The following LRP1B variants were observed in gnomAD, a reference collection of about 807,000 sequenced individuals.
The protein encoded by LRP1B is LDL receptor related protein 1B, also known as low-density lipoprotein receptor-related protein 1B.
Under a neutral mutation model 556.6 loss-of-function variants are expected in LRP1B, and 217 were observed. That is an observed-to-expected ratio of 0.39 (90% CI 0.35 to 0.44). The LOEUF is 0.44. Among genes scored for constraint, LRP1B ranks in the 20% least tolerant of loss-of-function variants. LRP1B has a pLI of 1.00. For synonymous variants in LRP1B, 2,047 were observed against 1,865.8 expected (o/e 1.10, Z -2.50); for missense variants, 5,053 against 5,620.8 (o/e 0.90, Z 3.23).
intron 22 of LRP1B, among the ~76,000 whole-genome samples, chr2:140,907,345 T>C (rs779686714): frequency 6.6e-6 from 1 of 152,102 alleles, no homozygotes; most frequent in African/African-American, 2.4e-5. Context: ...TCATTTTAAC[T>C]AGATAAGGCA....
At chr2:140,352,409 C>T (rs1168945381) in intron 76 of LRP1B, among the ~76,000 whole-genome samples, 1 of 152,034 alleles carries the variant, frequency 6.6e-6, no homozygotes, top group South Asian at 2.1e-4. Context: ...CTCCTGATCT[C>T]GTGATCCACT....
intron 31 of LRP1B, among the ~76,000 whole-genome samples, chr2:140,838,852 T>A (rs1428682406): frequency 6.6e-6 from 1 of 152,160 alleles, no homozygotes; most frequent in African/African-American, 2.4e-5. Context: ...TGATTAAGGT[T>A]CGAAACAGTA....
chr2:141,371,872 C>G (rs1202421014), intron 3 of LRP1B, among the ~76,000 whole-genome samples: 2 of 151,654 alleles, frequency 1.3e-5, no homozygotes, highest in African/African-American at 4.8e-5. Context: ...TTTCTCTTGC[C>G]CAATTGCCCT....
intron 3 of LRP1B, among the ~76,000 whole-genome samples, chr2:141,348,856 C>T (rs543697207): frequency 1.3e-5 from 2 of 152,046 alleles, no homozygotes; most frequent in African/African-American, 4.8e-5. Flanking sequence ...CTTTCCCATG[C>T]TCTTCTCATG....
chr2:141,888,325 A>C (rs976673159), intron 1 of LRP1B, among the ~76,000 whole-genome samples: 5 of 152,196 alleles, frequency 3.3e-5, no homozygotes, highest in African/African-American at 1.2e-4. Context: ...TCAATATGTG[A>C]CCTGAGAAGT....
At chr2:140,275,558 C>T (rs1272298641) in intron 84 of LRP1B, among the ~76,000 whole-genome samples, 5 of 151,916 alleles carry the variant, frequency 3.3e-5, no homozygotes, top group Non-Finnish European at 7.4e-5. Context: ...TCCCTGTACA[C>T]GTAGCAGAAC....
In LRP1B at chr2:142,011,662, C is replaced by T. The variant is rs150118118; in HGVS notation, c.82+118986G>A. Among the ~76,000 whole-genome samples, 379 of 152,242 alleles carry T rather than the reference C, an allele frequency of 2.5e-3. 1 individual carries two copies. Among genetic ancestry groups the T allele is most frequent in the African/African-American group, 8.7e-3 (362 of 41,546 alleles). ...CATTGTAATCAATACTTTTAACCTA[C>T]TGATACTCCAGGCCCCTGAAACTGA... On this transcript the variant is annotated intron_variant, in intron 1 of 90. Transcript: ENST00000389484.
chr2:141,873,824 T>C (rs1287879686), intron 1 of LRP1B, among the ~76,000 whole-genome samples: 1 of 151,820 alleles, frequency 6.6e-6, no homozygotes, highest in Non-Finnish European at 1.5e-5. Flanking sequence ...ATTTTCACTA[T>C]TGAGCAAATT....
intron 3 of LRP1B, among the ~76,000 whole-genome samples, chr2:141,327,469 G>C (rs771324649): frequency 1.3e-5 from 2 of 151,792 alleles, no homozygotes; most frequent in African/African-American, 4.8e-5. Context: ...ACTGAGTCTC[G>C]GTAAACCTTA....
chr2:140,993,407 C>A (rs1697148243), intron 16 of LRP1B, among the ~76,000 whole-genome samples: 2 of 152,014 alleles, frequency 1.3e-5, no homozygotes, highest in African/African-American at 2.4e-5. Flanking sequence ...CTACTAGCAA[C>A]ATGAAACTAT....
chr2:140,531,855 G>A (rs899139233), intron 47 of LRP1B, among the ~76,000 whole-genome samples: 3 of 152,136 alleles, frequency 2.0e-5, no homozygotes, highest in African/African-American at 7.2e-5. Context: ...ACTTGAAAAT[G>A]CTGAATGATC....
chr2:141,827,970 A>G (rs1300815337), intron 1 of LRP1B, among the ~76,000 whole-genome samples: 1 of 151,844 alleles, frequency 6.6e-6, no homozygotes, highest in Non-Finnish European at 1.5e-5. Context: ...GAGAATTGAC[A>G]ACAGAAGACT....
intron 80 of LRP1B, among the ~76,000 whole-genome samples, chr2:140,324,913 AAC>A (rs1323912054): frequency 8.6e-5 from 13 of 151,540 alleles, no homozygotes; most frequent in Admixed American, 4.0e-4. Flanking sequence ...TTAAAAAAAA[AAC>A]ACACACACTT....
chr2:140,528,682 A>C (rs1690547536), intron 47 of LRP1B, among the ~76,000 whole-genome samples: 1 of 151,768 alleles, frequency 6.6e-6, no homozygotes, highest in Non-Finnish European at 1.5e-5. Flanking sequence ...AGGGTGATGA[A>C]AGTTGTTGCA....
chr2:141,513,102 T>C (rs1215085548), intron 2 of LRP1B, among the ~76,000 whole-genome samples: 1 of 152,130 alleles, frequency 6.6e-6, no homozygotes, highest in Non-Finnish European at 1.5e-5. Context: ...CTGAAACTGA[T>C]AGACAGGTTA....
At chr2:140,794,876 G>T (rs1690250773) in intron 32 of LRP1B, among the ~76,000 whole-genome samples, 6 of 152,000 alleles carry the variant, frequency 3.9e-5, no homozygotes, top group Admixed American at 3.9e-4. Context: ...GCCTCCCAAA[G>T]CACTGGGATT....
At chr2:141,687,762 A>G (rs1337560695) in intron 2 of LRP1B, among the ~76,000 whole-genome samples, 2 of 151,974 alleles carry the variant, frequency 1.3e-5, no homozygotes, top group African/African-American at 4.8e-5. Context: ...AGGCTAGAAG[A>G]TAGTCTGAAA....
rs560595205 is a variant in LRP1B at position 141,620,660 on chromosome 2, A to T, written c.206-140127T>A. 5.9e-5 allele frequency among the ~76,000 whole-genome samples: 9 copies of T among 152,302 alleles called. 1 individual carries two copies. Among genetic ancestry groups the T allele is most frequent in the African/African-American group, 2.2e-4 (9 of 41,568 alleles). ...TTTTAAAGAAATATTTTCTGTTCAA[A>T]TCACTCATGGTGGAATAACAAACAC... On this transcript the variant is annotated intron_variant, in intron 2 of 90. Coordinates refer to ENST00000389484, the MANE Select transcript of LRP1B (RefSeq NM_018557.3).
chr2:140,646,707 A>G (rs998595488), intron 41 of LRP1B, among the ~76,000 whole-genome samples: 3 of 152,154 alleles, frequency 2.0e-5, no homozygotes, highest in African/African-American at 4.8e-5. Flanking sequence ...AGTATTTTAT[A>G]TAATCTAGAT....
Sources: gnomAD v4.1 joint callset for allele counts (sites outside exome capture counted in the v4.1 genomes callset) on GRCh38, gnomAD v4.1.1 for gene constraint, MANE v1.5 for transcripts, NCBI Gene and HGNC (gene_info 2026-07-23, HGNC 2026-07-21) for gene names.